Variants in EPHA6 observed in about 807,000 individuals in gnomAD.
The protein encoded by EPHA6 is ephrin type-A receptor 6.
A neutral mutation model predicts 112.0 loss-of-function variants in EPHA6; 50 were observed. The observed-to-expected ratio is 0.45, with a 90% CI of 0.36 to 0.56. The LOEUF (loss-of-function observed/expected upper bound fraction) is 0.56, where lower values mean the gene tolerates loss of function less well. Ranked by LOEUF, EPHA6 falls within the 20% of genes least tolerant of loss-of-function variation. The pLI is 0.00. For synonymous variants in EPHA6, 529 were observed against 490.7 expected (o/e 1.08, Z -1.03); for missense variants, 1,280 against 1,417.4 (o/e 0.90, Z 1.56).
At chr3:97,002,100 A>G (rs890861808) in intron 3 of EPHA6, among the ~76,000 whole-genome samples, 9 of 151,796 alleles carry the variant, frequency 5.9e-5, no homozygotes, top group Admixed American at 1.3e-4. Flanking sequence ...AGGATTGGTT[A>G]TTTTTTACCG....
At chr3:97,218,242 G>A (rs1244373241) in intron 3 of EPHA6, among the ~76,000 whole-genome samples, 2 of 151,792 alleles carry the variant, frequency 1.3e-5, no homozygotes, top group Non-Finnish European at 2.9e-5. Context: ...CTGCACTCTA[G>A]CCTGGATGAA....
At chr3:97,528,265 G>A (rs1023301624) in intron 10 of EPHA6, among the ~76,000 whole-genome samples, 20 of 152,118 alleles carry the variant, frequency 1.3e-4, no homozygotes, top group African/African-American at 4.8e-4. Context: ...AGCTCTGAGA[G>A]CTGGGCCAAC....
rs142732942 is a variant in EPHA6 at position 97,500,041 on chromosome 3, C to T, written c.2200+15982C>T. On this transcript the variant is annotated intron_variant, in intron 10 of 17. Coordinates refer to ENST00000389672, the MANE Select transcript of EPHA6 (RefSeq NM_001080448.3). Reference sequence around the variant, plus strand: ...ATTGTACAGCTGTATAAAAGATTATCCTTATTTATATTCTTATTCTATAAG... The same window carrying T: ...ATTGTACAGCTGTATAAAAGATTATTCTTATTTATATTCTTATTCTATAAG... 2.0e-5 allele frequency among the ~76,000 whole-genome samples: 3 copies of T among 152,136 alleles called. No homozygotes were observed. The East Asian group carries it at 5.8e-4, about 29-fold the overall frequency.
intron 14 of EPHA6, among the ~76,000 whole-genome samples, chr3:97,698,412 T>G (rs1001864980): frequency 1.3e-5 from 2 of 149,820 alleles, no homozygotes; most frequent in African/African-American, 4.9e-5. Context: ...AATTAAAGGT[T>G]TTTTTTTTTT....
intron 5 of EPHA6, among the ~76,000 whole-genome samples, chr3:97,345,064 G>A (rs1248348476): frequency 1.5e-4 from 23 of 151,486 alleles, no homozygotes; most frequent in African/African-American, 5.6e-4. Context: ...GCAAAGTAGA[G>A]GGAAGCCAAA....
intron 1 of EPHA6, among the ~76,000 whole-genome samples, chr3:96,861,324 C>G (rs2035990837): frequency 6.6e-6 from 1 of 152,012 alleles, no homozygotes; most frequent in Non-Finnish European, 1.5e-5. Context: ...AACTGCTTCA[C>G]TTGATTTATC....
chr3:97,595,984 C>T (rs1178099399), intron 12 of EPHA6, among the ~76,000 whole-genome samples: 1 of 147,826 alleles, frequency 6.8e-6, no homozygotes, highest in Non-Finnish European at 1.5e-5. Flanking sequence ...CGGCTCACTG[C>T]AAGCTTCGCC....
At chr3:97,019,592 A>G (rs1053727662) in intron 3 of EPHA6, among the ~76,000 whole-genome samples, 3 of 152,052 alleles carry the variant, frequency 2.0e-5, no homozygotes, top group African/African-American at 4.8e-5. Flanking sequence ...AGTTGGAGCA[A>G]TGTTGGGGCT....
intron 1 of EPHA6, among the ~76,000 whole-genome samples, chr3:96,838,130 A>G (rs1461930132): frequency 6.9e-6 from 1 of 145,730 alleles, no homozygotes; most frequent in African/African-American, 2.6e-5. Flanking sequence ...GCTCCCACTT[A>G]TAAGTGAGAG....
chr3:96,948,999 T>TAC (rs2107713610), intron 2 of EPHA6, among the ~76,000 whole-genome samples: 1 of 152,248 alleles, frequency 6.6e-6, no homozygotes, highest in South Asian at 2.1e-4. Flanking sequence ...ACCATCACCA[T>TAC]GTATGGTGTT....
intron 3 of EPHA6, among the ~76,000 whole-genome samples, chr3:97,013,557 A>G (rs935787824): frequency 5.3e-5 from 8 of 152,162 alleles, no homozygotes; most frequent in African/African-American, 1.9e-4. Flanking sequence ...CAAACAATAC[A>G]TAAATCCTTG....
intron 3 of EPHA6, among the ~76,000 whole-genome samples, chr3:97,109,564 G>A (rs369858897): frequency 3.3e-5 from 5 of 152,112 alleles, no homozygotes; most frequent in East Asian, 1.9e-4. Flanking sequence ...AAGTGAAGAC[G>A]CTAAGAGCTG....
At chr3:97,153,971 G>A in intron 3 of EPHA6, among the ~76,000 whole-genome samples, 1 of 151,960 alleles carries the variant, frequency 6.6e-6, no homozygotes, top group Non-Finnish European at 1.5e-5. Flanking sequence ...TTCGAAACCA[G>A]CCTGCCCAAC....
At chr3:96,962,605 C>T (rs116587627) in intron 2 of EPHA6, among the ~76,000 whole-genome samples, 1,946 of 150,202 alleles carry the variant, frequency 0.013, 42 homozygotes, top group African/African-American at 0.044. Context: ...AGAATTTAGT[C>T]AGTCAGAAAA....
intron 2 of EPHA6, among the ~76,000 whole-genome samples, chr3:96,934,190 A>G (rs1270280566): frequency 1.3e-5 from 2 of 151,972 alleles, no homozygotes; most frequent in Admixed American, 1.3e-4. Flanking sequence ...GGGTGTTTAT[A>G]AATAGAATAC....
intron 3 of EPHA6, among the ~76,000 whole-genome samples, chr3:97,220,210 T>C (rs1042038561): frequency 6.6e-6 from 1 of 152,158 alleles, no homozygotes; most frequent in Admixed American, 6.5e-5. Context: ...GTTCCAAACT[T>C]TCCCACATCT....
At chr3:97,494,622 T>C (rs1265848459) in intron 10 of EPHA6, among the ~76,000 whole-genome samples, 1 of 152,074 alleles carries the variant, frequency 6.6e-6, no homozygotes, top group Non-Finnish European at 1.5e-5. Flanking sequence ...CCAATGAAAG[T>C]GTTCACTACC....
At position 97,374,651 on chromosome 3, in the gene EPHA6, C is replaced by T. The variant is rs114970348; in HGVS notation, c.1607-30499C>T. Among the ~76,000 whole-genome samples, 1,255 of 152,106 alleles carry T rather than the reference C, an allele frequency of 8.3e-3. 14 individuals carry two copies. Among genetic ancestry groups the T allele is most frequent in the African/African-American group, 0.027 (1,117 of 41,498 alleles). On this transcript the variant is annotated intron_variant, in intron 5 of 17. Coordinates refer to ENST00000389672, the MANE Select transcript of EPHA6 (RefSeq NM_001080448.3). ...AATAGGTAGTTTTTCAACCCTTGTC[C>T]TGCCGCTCGCTCATCCTTATATTAG...
intron 3 of EPHA6, among the ~76,000 whole-genome samples, chr3:97,155,451 A>G (rs1307657673): frequency 6.6e-6 from 1 of 152,218 alleles, no homozygotes; most frequent in Non-Finnish European, 1.5e-5. Context: ...AAATACAAAA[A>G]TATGGTAATT....
Sources: allele counts gnomAD v4.1 joint callset (sites outside exome capture counted in the v4.1 genomes callset), GRCh38; gene constraint gnomAD v4.1.1; transcripts MANE v1.5; gene names NCBI Gene and HGNC (gene_info 2026-07-23, HGNC 2026-07-21).